PMS1: variants seen among roughly 807,000 people sequenced by gnomAD.
PMS1 encodes the protein PMS1 homolog 1, mismatch repair system component.
PMS1 carries 79 observed loss-of-function variants against 93.1 expected under a neutral mutation model. The ratio of observed to expected loss-of-function variants is 0.85; its 90% CI spans 0.71 to 1.02. PMS1 has a LOEUF of 1.02. PMS1 is among the 50% of genes least tolerant of loss of function. The pLI is 0.00. For missense variants in PMS1, 1,064 were observed against 1,085.3 expected (o/e 0.98, Z 0.28); for synonymous variants, 335 against 363.4 (o/e 0.92, Z 0.89).
chr2:189,873,436 T>G, intron 11 of PMS1, 60 bp from the exon 12 acceptor site: 1 of 1,245,528 alleles, frequency 8.0e-7, no homozygotes, highest in Non-Finnish European at 1.2e-6. Flanking sequence ...AATTTTTGTT[T>G]TTAATGGACA....
At chr2:189,877,137 G>C in intron 12 of PMS1, 135 bp from the exon 13 acceptor site, 1 of 740,124 alleles carries the variant, frequency 1.4e-6, no homozygotes, top group East Asian at 2.7e-5. Flanking sequence ...CAACATAGTT[G>C]ATACTTAATA....
At chr2:189,874,574 AT>A (rs2057406161) in intron 12 of PMS1, among the ~76,000 whole-genome samples, 1 of 152,192 alleles carries the variant, frequency 6.6e-6, no homozygotes, top group African/African-American at 2.4e-5. Context: ...CAAGATTGGT[AT>A]TATTTAAAAA....
chr2:189,821,224 A>AG (rs1244512518), intron 5 of PMS1, among the ~76,000 whole-genome samples: 4 of 152,066 alleles, frequency 2.6e-5, no homozygotes. Flanking sequence ...TGGGAGGCTG[A>AG]GGTGAGTGGA....
At chr2:189,815,425 T>A (rs1444996410) in intron 4 of PMS1, among the ~76,000 whole-genome samples, 1 of 152,108 alleles carries the variant, frequency 6.6e-6, no homozygotes, top group Admixed American at 6.6e-5. Flanking sequence ...TTAGAGAAGG[T>A]GGTGATTGGC....
chr2:189,821,792 G>A lies in PMS1; in HGVS notation c.582+3612G>A, dbSNP rs369022405. Among the ~76,000 whole-genome samples the A allele has an allele frequency of 3.9e-5, 6 of 152,332 alleles. No individual in the cohort carries two copies. The East Asian group carries it at 5.8e-4, about 15-fold the overall frequency. On this transcript the variant is annotated intron_variant, in intron 5 of 12. Coordinates refer to ENST00000441310, the MANE Select transcript of PMS1 (RefSeq NM_000534.5). The stretch of plus-strand genomic sequence containing the variant: ...CCACTGCACTCCAGCCTGGGCGACA[G>A]AGTGAGAATCTATCTCCAAAACATA...
chr2:189,788,992 C>G (rs2048610736), intron 1 of PMS1, among the ~76,000 whole-genome samples: 1 of 152,124 alleles, frequency 6.6e-6, no homozygotes, highest in African/African-American at 2.4e-5. Context: ...TCCACTGTTT[C>G]CCTGCTTGAT....
intron 6 of PMS1, among the ~76,000 whole-genome samples, chr2:189,847,795 C>G (rs1391115910): frequency 6.6e-6 from 1 of 152,128 alleles, no homozygotes; most frequent in African/African-American, 2.4e-5. Flanking sequence ...TTGTGCTAAG[C>G]AGTTGGCTTC....
At chr2:189,860,305 C>T (rs1430230287) in intron 9 of PMS1, among the ~76,000 whole-genome samples, 3 of 152,160 alleles carry the variant, frequency 2.0e-5, no homozygotes, top group Non-Finnish European at 4.4e-5. Flanking sequence ...TTGAACTTCA[C>T]ATGTGTATAA....
intron 3 of PMS1, among the ~76,000 whole-genome samples, chr2:189,798,272 T>G (rs1366677414): frequency 6.6e-6 from 1 of 152,220 alleles, no homozygotes; most frequent in Non-Finnish European, 1.5e-5. Context: ...TTCAGTTTTT[T>G]ACTTTTGGGC....
intron 6 of PMS1, among the ~76,000 whole-genome samples, chr2:189,845,425 A>T (rs903073606): frequency 9.9e-5 from 15 of 152,096 alleles, no homozygotes; most frequent in Admixed American, 3.3e-4. Context: ...TTGCTTAATA[A>T]ATGGACTATC....
chr2:189,872,205 T>C (rs1559335950), intron 11 of PMS1, among the ~76,000 whole-genome samples: 1 of 152,110 alleles, frequency 6.6e-6, no homozygotes, highest in Non-Finnish European at 1.5e-5. Context: ...TAATATAATA[T>C]TATATATTAT....
intron 10 of PMS1, among the ~76,000 whole-genome samples, chr2:189,867,349 A>G (rs1257674784): frequency 6.6e-6 from 1 of 152,188 alleles, no homozygotes; most frequent in East Asian, 1.9e-4. Flanking sequence ...AGCTCTCCCA[A>G]GCTCTAAATT....
At position 189,854,071 on chromosome 2, in the gene PMS1, T is replaced by C; in HGVS notation, c.955T>C (p.Leu319=). Reference sequence around the variant, plus strand: ...AACACCAGATAAAAGCCAAGTATTATTACAAAATAAGGTAACTCTTTTCAG... The same window carrying C: ...AACACCAGATAAAAGCCAAGTATTACTACAAAATAAGGTAACTCTTTTCAG... ...NLTPDKSQVL[L]QNKESVLIAL... The change falls in exon 8 of 13, where the codon TTA becomes CTA. Residue 319 remains leucine (L), a synonymous_variant. Coordinates refer to ENST00000441310, the MANE Select transcript of PMS1 (RefSeq NM_000534.5). The C allele has an allele frequency of 6.3e-7, 1 of 1,592,268 alleles. No individual in the cohort carries two copies. The highest frequency in any genetic ancestry group is 8.6e-7 in the Non-Finnish European group (1 of 1,166,124).
chr2:189,821,557 C>A (rs778528024), intron 5 of PMS1, among the ~76,000 whole-genome samples: 41 of 152,036 alleles, frequency 2.7e-4, no homozygotes, highest in Admixed American at 6.6e-4. Flanking sequence ...ACCTGTAATC[C>A]CAGCACCTTG....
chr2:189,852,677 C>A lies in PMS1; in HGVS notation c.722C>A (p.Pro241Gln), dbSNP rs2106449400. Residue 241 changes from proline to glutamine, a missense_variant, in exon 7 of 13, where the codon CCA becomes CAA. Coordinates refer to ENST00000441310, the MANE Select transcript of PMS1 (RefSeq NM_000534.5). ...TAGATTTATCTCAGTGGATTTCTTC[C>A]AAAGTGTGATGCAGACCACTCTTTC... ...ESQIYLSGFL[P>Q]KCDADHSFTS... The A allele has an allele frequency of 6.2e-7, 1 of 1,602,570 alleles. No homozygotes were observed. The highest frequency in any genetic ancestry group is 8.5e-7 in the Non-Finnish European group (1 of 1,169,938).
rs772427166 is a variant in PMS1, at chr2:189,795,808, G to A, written c.172G>A (p.Gly58Arg). ...TGATAAAATTGAGGTGCGAGATAACGGGGAGGGTATCAAGGCTGTTGATGC... is the reference window on the plus strand; with the variant it reads ...TGATAAAATTGAGGTGCGAGATAACAGGGAGGGTATCAAGGCTGTTGATGC... ...GFDKIEVRDN[G>R]EGIKAVDAPV... Residue 58 changes from glycine to arginine, a missense_variant, in exon 3 of 13, where the codon GGG (glycine) becomes AGG (arginine). Gly to Arg is a moderately radical substitution (Grantham distance 125). Transcript: ENST00000441310. 77 of 1,613,668 alleles carry A rather than the reference G, an allele frequency of 4.8e-5. No homozygotes were observed. The highest frequency in any genetic ancestry group is 3.1e-5 in the Non-Finnish European group (37 of 1,179,734).
intron 3 of PMS1, among the ~76,000 whole-genome samples, chr2:189,804,050 T>C (rs1467562418): frequency 2.0e-5 from 3 of 152,202 alleles, no homozygotes; most frequent in Non-Finnish European, 4.4e-5. Flanking sequence ...CATGTAACCT[T>C]ATAAAGTATT....
chr2:189,822,664 T>C (rs1435834650), intron 5 of PMS1, among the ~76,000 whole-genome samples: 4 of 152,210 alleles, frequency 2.6e-5, no homozygotes, highest in Admixed American at 6.5e-5. Context: ...GATGTTGTCG[T>C]TAGTGATGAA....
At chr2:189,831,721 T>A (rs1032199117) in intron 5 of PMS1, among the ~76,000 whole-genome samples, 8 of 152,218 alleles carry the variant, frequency 5.3e-5, no homozygotes, top group Non-Finnish European at 1.2e-4. Flanking sequence ...TAGAGAGTTG[T>A]TAGTCAATTC....
Sources: gnomAD v4.1 joint callset for allele counts (sites outside exome capture counted in the v4.1 genomes callset) on GRCh38, gnomAD v4.1.1 for gene constraint, MANE v1.5 for transcripts, NCBI Gene and HGNC (gene_info 2026-07-23, HGNC 2026-07-21) for gene names.